The following ATF1 variants were observed in gnomAD, a reference collection of about 807,000 sequenced individuals.
The protein encoded by ATF1 is activating transcription factor 1, also known as cyclic AMP-dependent transcription factor ATF-1.
In ATF1, 16 loss-of-function variants were observed where a neutral mutation model predicts 34.7. That is an observed-to-expected ratio of 0.46 (90% CI 0.31 to 0.70). ATF1 has a LOEUF of 0.70. Among genes scored for constraint, ATF1 ranks in the 30% least tolerant of loss-of-function variants. ATF1 has a pLI of 0.05. For synonymous variants in ATF1, 105 were observed against 113.1 expected (o/e 0.93, Z 0.46); for missense variants, 255 against 321.6 (o/e 0.79, Z 1.58).
intron 1 of ATF1, among the ~76,000 whole-genome samples, chr12:50,778,865 G>T (rs1940991951): frequency 6.6e-6 from 1 of 152,158 alleles, no homozygotes; most frequent in Non-Finnish European, 1.5e-5. Flanking sequence ...ACGGCCTTGA[G>T]CCACCATGCC....
intron 3 of ATF1, among the ~76,000 whole-genome samples, chr12:50,808,717 G>GT (rs1941668785): frequency 6.7e-6 from 1 of 150,134 alleles, no homozygotes; most frequent in Admixed American, 6.7e-5. Context: ...TGGTGTAATA[G>GT]TTTAAGTGTC....
At chr12:50,791,084 C>G (rs939395941) in intron 2 of ATF1, among the ~76,000 whole-genome samples, 4 of 152,050 alleles carry the variant, frequency 2.6e-5, no homozygotes, top group Admixed American at 2.6e-4. Flanking sequence ...AGCCATTGGT[C>G]AAGAATTTGG....
intron 2 of ATF1, among the ~76,000 whole-genome samples, chr12:50,791,339 T>G (rs576699479): frequency 6.6e-6 from 1 of 152,200 alleles, no homozygotes; most frequent in South Asian, 2.1e-4. Flanking sequence ...GCGGATCACC[T>G]GAGGTCAGGA....
chr12:50,803,512 AAT>A (rs1485950574), intron 3 of ATF1, among the ~76,000 whole-genome samples: 2 of 151,912 alleles, frequency 1.3e-5, no homozygotes, highest in African/African-American at 4.8e-5. Context: ...AAAAAAAAAA[AAT>A]AGTACAGTTG....
At chr12:50,811,243 A>G (rs1941730295) in intron 4 of ATF1, among the ~76,000 whole-genome samples, 5 of 152,208 alleles carry the variant, frequency 3.3e-5, no homozygotes, top group Middle Eastern at 3.4e-3. Context: ...TTAACCTCCT[A>G]TATTTTTCTT....
intron 2 of ATF1, among the ~76,000 whole-genome samples, chr12:50,789,096 G>A (rs975825440): frequency 6.7e-6 from 1 of 149,190 alleles, no homozygotes; most frequent in South Asian, 2.1e-4. Context: ...TTTTTTTTTC[G>A]GAGACAGAGT....
chr12:50,777,457 C>A (rs1440795452), intron 1 of ATF1, among the ~76,000 whole-genome samples: 2 of 152,044 alleles, frequency 1.3e-5, no homozygotes, highest in Non-Finnish European at 2.9e-5. Context: ...TGACTAAAAA[C>A]AAGAGCTTCA....
intron 3 of ATF1, among the ~76,000 whole-genome samples, chr12:50,798,149 TA>T (rs1246069404): frequency 1.4e-5 from 2 of 147,058 alleles, no homozygotes. Context: ...ACTCCATCTC[TA>T]AAAAAAAAGA....
At position 50,809,492 on chromosome 12, in the gene ATF1, G is replaced by A; in HGVS notation, c.231G>A (p.Arg77=). 6.2e-7 allele frequency: 1 copy of A among 1,613,294 alleles called. No homozygotes were observed. Among genetic ancestry groups the A allele is most frequent in the African/African-American group, 1.3e-5 (1 of 74,962 alleles). The part of the protein sequence containing the change: ...ILKDLSSEDT[R]GRKGDGENSG... ...AAGACTTATCTTCTGAAGATACACG[G>A]GGCAGAAAAGGAGACGGAGAAAATT... Residue 77 remains arginine (R), a synonymous_variant, in exon 4 of 7, where the codon CGG becomes CGA. Coordinates refer to ENST00000262053, the MANE Select transcript of ATF1 (RefSeq NM_005171.5).
rs1287147526 is a variant in ATF1, at chr12:50,766,136, G to A, written c.-7+1829G>A. On this transcript the variant is annotated intron_variant, in intron 1 of 6. Transcript: ENST00000262053. ...TATAGTGCAGAAACCCTGACCCAAC[G>A]GCTACCTTTGGGTAAGTGTTGGGGT... Among the ~76,000 whole-genome samples the A allele has an allele frequency of 2.6e-5, 4 of 152,300 alleles. No individual in the cohort carries two copies. The South Asian group carries it at 6.2e-4, about 24-fold the overall frequency.
In ATF1 at chr12:50,806,220, A is replaced by G. The variant is rs1941614380; in HGVS notation, c.195-3236A>G. ...TTCCTAAATCATTTAGCATTTACCAACTGTCCAGACCAAAGGTCATTTTCA... is the reference window on the plus strand; with the variant it reads ...TTCCTAAATCATTTAGCATTTACCAGCTGTCCAGACCAAAGGTCATTTTCA... On this transcript the variant is annotated intron_variant, in intron 3 of 6. Coordinates refer to ENST00000262053, the MANE Select transcript of ATF1 (RefSeq NM_005171.5). 2.5e-5 allele frequency: 4 copies of G among 162,468 alleles called. No individual in the cohort carries two copies. In the South Asian group the frequency reaches 5.3e-4, roughly 22 times the overall value. The allele number at this position is 162,468 out of a possible 1,614,324, so 10.1% of individuals were successfully genotyped here.
intron 2 of ATF1, among the ~76,000 whole-genome samples, chr12:50,784,877 T>TA (rs1011524032): frequency 1.3e-3 from 197 of 151,322 alleles, no homozygotes; most frequent in African/African-American, 4.6e-3. Context: ...GAGTTTTATT[T>TA]TTTATTTATT....
At chr12:50,765,267 GA>G (rs1375682471) in intron 1 of ATF1, among the ~76,000 whole-genome samples, 1 of 152,176 alleles carries the variant, frequency 6.6e-6, no homozygotes, top group Non-Finnish European at 1.5e-5. Context: ...TTTGTTAACA[GA>G]AATGCGTTCT....
Position 50,785,271 on chromosome 12 carries a change from T to TA in ATF1, c.93+5033_93+5034insA, listed in dbSNP as rs1342821038. ...GACTCACCCCATCTCAAAAAAAAAA[T>TA]TATATATATACATACACACACACAC... On this transcript the variant is annotated intron_variant, in intron 2 of 6. Coordinates refer to ENST00000262053, the MANE Select transcript of ATF1 (RefSeq NM_005171.5). Among the ~76,000 whole-genome samples the TA allele has an allele frequency of 7.0e-5, 8 of 113,836 alleles. No homozygotes were observed. In the East Asian group the frequency reaches 2.1e-3, roughly 30 times the overall value. 74.7% of individuals were successfully genotyped at this position (113,836 alleles called of 152,430 possible).
At chr12:50,763,716 C>G (rs926665314), upstream of ATF1, 1 of 151,542 alleles carries the variant, frequency 6.6e-6, no homozygotes, top group Non-Finnish European at 1.5e-5. Context: ...AGGACAGGGC[C>G]GGCGTCGGTC....
At chr12:50,817,847 CATA>C (rs1941874226) in intron 6 of ATF1, among the ~76,000 whole-genome samples, 1 of 152,110 alleles carries the variant, frequency 6.6e-6, no homozygotes, top group African/African-American at 2.4e-5. Flanking sequence ...AAACTTTGTG[CATA>C]ATGAGGGAAA....
intron 1 of ATF1, chr12:50,764,536 C>G (rs1232324142): frequency 1.3e-5 from 2 of 152,348 alleles, no homozygotes; most frequent in African/African-American, 4.8e-5. Context: ...CTCCTCCTTT[C>G]CCTCGCCCCC....
At chr12:50,798,673 T>C (rs546169217) in intron 3 of ATF1, among the ~76,000 whole-genome samples, 2 of 152,188 alleles carry the variant, frequency 1.3e-5, no homozygotes, top group Admixed American at 1.3e-4. Flanking sequence ...GAAAAGAAAC[T>C]TCTCAAAGTT....
intron 4 of ATF1, among the ~76,000 whole-genome samples, chr12:50,813,495 T>A (rs1339461270): frequency 1.3e-5 from 2 of 152,222 alleles, no homozygotes; most frequent in African/African-American, 4.8e-5. Flanking sequence ...ATGTTTATGT[T>A]TCCTTTTTAT....
Sources: gnomAD v4.1 joint callset for allele counts (sites outside exome capture counted in the v4.1 genomes callset) on GRCh38, gnomAD v4.1.1 for gene constraint, MANE v1.5 for transcripts, NCBI Gene and HGNC (gene_info 2026-07-23, HGNC 2026-07-21) for gene names.